The following SPIDR variants were observed in gnomAD, a reference collection of about 807,000 sequenced individuals.
SPIDR encodes the protein scaffold protein involved in DNA repair.
Under a neutral mutation model 104.6 loss-of-function variants are expected in SPIDR, and 93 were observed. The ratio of observed to expected loss-of-function variants is 0.89; its 90% CI spans 0.75 to 1.06. The LOEUF (loss-of-function observed/expected upper bound fraction) is 1.06. Ranked by LOEUF, SPIDR falls within the 50% of genes least tolerant of loss-of-function variation. The pLI is 0.00. For synonymous variants in SPIDR, 431 were observed against 416.9 expected (o/e 1.03, Z -0.41); for missense variants, 1,154 against 1,111.2 (o/e 1.04, Z -0.55).
chr8:47,319,056 C>G (rs1236512820), intron 5 of SPIDR, among the ~76,000 whole-genome samples: 1 of 151,758 alleles, frequency 6.6e-6, no homozygotes, highest in Non-Finnish European at 1.5e-5. Context: ...AAATAACCAG[C>G]TAACATCATA....
At chr8:47,667,422 CCT>C (rs2075111022) in intron 10 of SPIDR, among the ~76,000 whole-genome samples, 1 of 144,068 alleles carries the variant, frequency 6.9e-6, no homozygotes, top group Non-Finnish European at 1.5e-5. Flanking sequence ...CATAGCAAGA[CCT>C]CGTCTCTTCA....
chr8:47,713,753 A>T, intron 16 of SPIDR, 112 bp downstream of exon 16: 2 of 1,352,652 alleles, frequency 1.5e-6, no homozygotes, highest in Non-Finnish European at 2.0e-6. Context: ...TAAGTTCCAG[A>T]CACTGGATAC....
chr8:47,614,367 G>A (rs371770066), intron 10 of SPIDR, among the ~76,000 whole-genome samples: 1 of 152,158 alleles, frequency 6.6e-6, no homozygotes, highest in South Asian at 2.1e-4. Context: ...GACTACAGAC[G>A]TGCACCACAA....
At chr8:47,483,001 GGCC>G (rs367779517) in intron 8 of SPIDR, among the ~76,000 whole-genome samples, 44 of 152,316 alleles carry the variant, frequency 2.9e-4, no homozygotes, top group African/African-American at 1.0e-3. Context: ...CCCAAGGAAA[GGCC>G]GCCCCTCTGC....
intron 5 of SPIDR, among the ~76,000 whole-genome samples, chr8:47,347,871 A>G (rs2052492873): frequency 6.6e-6 from 1 of 152,112 alleles, no homozygotes; most frequent in South Asian, 2.1e-4. Context: ...TCTCCTGAAT[A>G]CAGCACACTG....
intron 10 of SPIDR, among the ~76,000 whole-genome samples, chr8:47,621,295 C>T (rs1371064835): frequency 1.3e-5 from 2 of 152,212 alleles, no homozygotes; most frequent in Non-Finnish European, 2.9e-5. Context: ...GTTATTGTGA[C>T]CATCACCACT....
chr8:47,616,407 A>G (rs151155270), intron 10 of SPIDR, among the ~76,000 whole-genome samples: 149 of 152,352 alleles, frequency 9.8e-4, no homozygotes, highest in Non-Finnish European at 1.2e-3. Context: ...TTTTCTGCAC[A>G]GTATAATCAC....
chr8:47,680,017 G>A (rs966612674), intron 11 of SPIDR, among the ~76,000 whole-genome samples: 4 of 152,106 alleles, frequency 2.6e-5, no homozygotes, highest in African/African-American at 9.7e-5. Flanking sequence ...TAGCAGTAAG[G>A]GTGGCGACCC....
chr8:47,591,649 T>C (rs2061025081), intron 8 of SPIDR, among the ~76,000 whole-genome samples: 1 of 152,080 alleles, frequency 6.6e-6, no homozygotes, highest in Admixed American at 6.6e-5. Context: ...CTTGTCCATC[T>C]ACAGCATCTA....
chr8:47,551,932 A>G (rs766694103), intron 8 of SPIDR, among the ~76,000 whole-genome samples: 1 of 152,056 alleles, frequency 6.6e-6, no homozygotes, highest in African/African-American at 2.4e-5. Context: ...CCCTCTACAC[A>G]CTGCTTTGAA....
chr8:47,357,819 G>T (rs1587630128), intron 5 of SPIDR: 5 of 981,848 alleles, frequency 5.1e-6, no homozygotes, highest in East Asian at 1.1e-4. Context: ...TAAGGAGAAA[G>T]GAAAGGAGAT....
chr8:47,411,165 G>A (rs1245840215), intron 7 of SPIDR, among the ~76,000 whole-genome samples: 7 of 152,126 alleles, frequency 4.6e-5, no homozygotes, highest in Non-Finnish European at 1.0e-4. Flanking sequence ...AATCCTTTGG[G>A]TATATACCCA....
At chr8:47,547,091 GC>G in intron 8 of SPIDR, 1 of 550,740 alleles carries the variant, frequency 1.8e-6, no homozygotes. Flanking sequence ...CAGTGATCTT[GC>G]CAGTTTCCAA....
intron 10 of SPIDR, among the ~76,000 whole-genome samples, chr8:47,601,703 G>T (rs941189923): frequency 2.6e-5 from 4 of 151,820 alleles, no homozygotes; most frequent in African/African-American, 9.7e-5. Flanking sequence ...AAAAGAAAAG[G>T]GAGAAAATTG....
intron 8 of SPIDR, among the ~76,000 whole-genome samples, chr8:47,487,592 C>A (rs1036469393): frequency 5.1e-4 from 77 of 152,102 alleles, no homozygotes; most frequent in Non-Finnish European, 9.7e-4. Context: ...CAAAATTGAC[C>A]ACATAGTTGG....
chr8:47,501,678 AT>A (rs774360364), intron 8 of SPIDR, among the ~76,000 whole-genome samples: 5 of 152,160 alleles, frequency 3.3e-5, no homozygotes, highest in Non-Finnish European at 5.9e-5. Flanking sequence ...TTCCAACACC[AT>A]GTTGAATAGG....
intron 11 of SPIDR, among the ~76,000 whole-genome samples, chr8:47,693,442 G>A (rs1460198159): frequency 2.6e-5 from 4 of 152,220 alleles, no homozygotes; most frequent in Non-Finnish European, 5.9e-5. Context: ...TGTGACAGGT[G>A]CCGGCATTGC....
chr8:47,437,379 T>C (rs1182822064), intron 7 of SPIDR, among the ~76,000 whole-genome samples: 1 of 152,096 alleles, frequency 6.6e-6, no homozygotes, highest in African/African-American at 2.4e-5. Flanking sequence ...TTACTGAGAA[T>C]GATGCTTTCC....
At chr8:47,296,603 C>CTGTAG (rs1354883846) in intron 5 of SPIDR, among the ~76,000 whole-genome samples, 1 of 152,058 alleles carries the variant, frequency 6.6e-6, no homozygotes, top group Non-Finnish European at 1.5e-5. Context: ...GGCTCTCTAC[C>CTGTAG]CTGTTTGATT....
Sources: gnomAD v4.1 joint callset for allele counts (sites outside exome capture counted in the v4.1 genomes callset) on GRCh38, gnomAD v4.1.1 for gene constraint, MANE v1.5 for transcripts, NCBI Gene and HGNC (gene_info 2026-07-23, HGNC 2026-07-21) for gene names.